Variants in PCDHGA1 observed in about 807,000 individuals in gnomAD.
The protein encoded by PCDHGA1 is protocadherin gamma subfamily A, 1.
Under a neutral mutation model 58.0 loss-of-function variants are expected in PCDHGA1, and 32 were observed. The observed-to-expected ratio is 0.55, with a 90% CI of 0.42 to 0.74. The LOEUF (loss-of-function observed/expected upper bound fraction) is 0.74, where lower values mean the gene tolerates loss of function less well. Ranked by LOEUF, PCDHGA1 falls within the 30% of genes least tolerant of loss-of-function variation. The pLI, the probability that PCDHGA1 is intolerant of heterozygous loss-of-function variation, is 0.00. For missense variants in PCDHGA1, 1,205 were observed against 1,182.3 expected, an observed-to-expected ratio of 1.02 and a Z score of -0.28; for synonymous variants, 498 against 501.1, an observed-to-expected ratio of 0.99 and a Z score of 0.08.
chr5:141,413,129 A>T (rs761379605), intron 1 of PCDHGA1: 41 of 1,536,352 alleles, frequency 2.7e-5, no homozygotes, highest in Non-Finnish European at 3.6e-5. Context: ...GTTGAAACAC[A>T]CAACGTGTCC....
intron 1 of PCDHGA1, chr5:141,374,302 GC>G: frequency 6.2e-7 from 1 of 1,613,984 alleles, no homozygotes; most frequent in Non-Finnish European, 8.5e-7. Flanking sequence ...GTAGGATGCA[GC>G]TTTTCTCTCT....
chr5:141,442,006 G>A (rs540427406), intron 1 of PCDHGA1: 77 of 229,074 alleles, frequency 3.4e-4, no homozygotes, highest in African/African-American at 1.6e-3. Context: ...CTGACAGCTC[G>A]CACGATGGGC....
chr5:141,340,599 G>A lies in PCDHGA1; in HGVS notation c.2421+7494G>A. On this transcript the variant is annotated intron_variant, in intron 1 of 3. Transcript: ENST00000517417. ...CGGGACAGCGGGAACCCTCCACTCA[G>A]TAGCAATGTATCATTAAGCCTGTTC... The A allele has an allele frequency of 1.2e-6, 2 of 1,614,212 alleles. No homozygotes were observed. Among genetic ancestry groups the A allele is most frequent in the Middle Eastern group, 1.6e-4 (1 of 6,062 alleles).
chr5:141,426,307 A>G (rs958090236), intron 1 of PCDHGA1: 2 of 172,782 alleles, frequency 1.2e-5, no homozygotes, highest in African/African-American at 4.7e-5. Context: ...GGTGAAGCAG[A>G]GAAGCAGGAC....
At chr5:141,455,583 A>G (rs1485134189) in intron 1 of PCDHGA1, among the ~76,000 whole-genome samples, 4 of 152,144 alleles carry the variant, frequency 2.6e-5, no homozygotes, top group Non-Finnish European at 2.9e-5. Context: ...CCAGCCTTTT[A>G]ATATGCAAAC....
intron 1 of PCDHGA1, among the ~76,000 whole-genome samples, chr5:141,470,572 A>G (rs1349952470): frequency 6.6e-6 from 1 of 152,208 alleles, no homozygotes; most frequent in Non-Finnish European, 1.5e-5. Flanking sequence ...GCCAAGCAGG[A>G]TCAACTTCAT....
At chr5:141,409,212 T>C (rs751644523) in intron 1 of PCDHGA1, 1 of 1,613,924 alleles carries the variant, frequency 6.2e-7, no homozygotes, top group Non-Finnish European at 8.5e-7. Context: ...ATCATAGAAA[T>C]CCTTGATGAA....
Position 141,364,369 on chromosome 5 carries a change from G to A in PCDHGA1, c.2421+31264G>A, listed in dbSNP as rs561217831. The A allele has an allele frequency of 3.3e-5, 52 of 1,567,648 alleles. 1 individual carries two copies. Among genetic ancestry groups the A allele is most frequent in the Non-Finnish European group, 3.6e-5 (42 of 1,158,852 alleles). Reference sequence around the variant, plus strand: ...CTAGGGGCTGGGGCTGCGGAGAGCTGCTGCTGCCCTTCATGCTCCTGGGGA... The same window carrying A: ...CTAGGGGCTGGGGCTGCGGAGAGCTACTGCTGCCCTTCATGCTCCTGGGGA... On this transcript the variant is annotated intron_variant, in intron 1 of 3. Coordinates refer to ENST00000517417, the MANE Select transcript of PCDHGA1 (RefSeq NM_018912.3).
At chr5:141,350,989 A>G (rs1469049462) in intron 1 of PCDHGA1, 7 of 1,614,080 alleles carry the variant, frequency 4.3e-6, no homozygotes, top group Admixed American at 1.7e-5. Context: ...GCCAGGAGGT[A>G]TACAGGGTTA....
At chr5:141,362,450 C>A (rs766571642) in intron 1 of PCDHGA1, 1 of 1,614,050 alleles carries the variant, frequency 6.2e-7, no homozygotes, top group Non-Finnish European at 8.5e-7. Flanking sequence ...AACATAACCC[C>A]GGAATTGGTT....
intron 1 of PCDHGA1, chr5:141,441,780 C>A: frequency 2.6e-6 from 1 of 391,236 alleles, no homozygotes. Flanking sequence ...GGTGGACGAC[C>A]TGAATGACAA....
chr5:141,491,641 C>T lies in PCDHGA1; in HGVS notation c.2422-3166C>T. Reference sequence around the variant, plus strand: ...CCTCAGCGTTCAGCAGCCCACAGCTCTGGCGCTGGAGCCTGACGCCATCCG... The same window carrying T: ...CCTCAGCGTTCAGCAGCCCACAGCTTTGGCGCTGGAGCCTGACGCCATCCG... On this transcript the variant is annotated intron_variant, in intron 1 of 3. Coordinates refer to ENST00000517417, the MANE Select transcript of PCDHGA1 (RefSeq NM_018912.3). The surrounding 1 kb of genome is among the most constrained non-coding windows in gnomAD (Gnocchi z 6.9). The T allele has an allele frequency of 6.2e-7, 1 of 1,613,896 alleles. No homozygotes were observed. Among genetic ancestry groups the T allele is most frequent in the Non-Finnish European group, 8.5e-7 (1 of 1,180,018 alleles).
chr5:141,420,044 T>C lies in PCDHGA1; in HGVS notation c.2422-74763T>C, dbSNP rs769790599. 1.7e-5 allele frequency: 27 copies of C among 1,613,934 alleles called. No individual in the cohort carries two copies. In the East Asian group the frequency reaches 6.0e-4, roughly 36 times the overall value. On this transcript the variant is annotated intron_variant, in intron 1 of 3. Coordinates refer to ENST00000517417, the MANE Select transcript of PCDHGA1 (RefSeq NM_018912.3). ...CCCTACTGCAGGAGACTGCTTTGAG[T>C]CAGTTCTCTGCTCCAAGTCCGGACC...
Position 141,375,095 on chromosome 5 carries a change from T to C in PCDHGA1, c.2421+41990T>C, listed in dbSNP as rs370381070. 3.0e-4 allele frequency: 491 copies of C among 1,613,960 alleles called. 2 individuals are homozygous for C. In the African/African-American group the frequency reaches 5.9e-3, roughly 19 times the overall value. ...CAGAGCGAAAGTCTTAATAACTATCTTGGATGTCAATGATAATGTACCAGA... is the reference window on the plus strand; with the variant it reads ...CAGAGCGAAAGTCTTAATAACTATCCTGGATGTCAATGATAATGTACCAGA... On this transcript the variant is annotated intron_variant, in intron 1 of 3. Coordinates refer to ENST00000517417, the MANE Select transcript of PCDHGA1 (RefSeq NM_018912.3).
chr5:141,496,077 C>G (rs1269618753), intron 2 of PCDHGA1, among the ~76,000 whole-genome samples: 1 of 152,042 alleles, frequency 6.6e-6, no homozygotes, highest in African/African-American at 2.4e-5. Flanking sequence ...CACACACAAC[C>G]CCCCACCCAC....
At chr5:141,351,627 A>T (rs931649944) in intron 1 of PCDHGA1, 1 of 1,614,056 alleles carries the variant, frequency 6.2e-7, no homozygotes, top group Non-Finnish European at 8.5e-7. Context: ...TATGTGGTCC[A>T]CGTGTCTGAG....
At chr5:141,424,094 A>G (rs1036391991) in intron 1 of PCDHGA1, 11 of 864,422 alleles carry the variant, frequency 1.3e-5, no homozygotes, top group Non-Finnish European at 1.4e-5. Context: ...ATTATTTGCT[A>G]TTACTGCTAA....
intron 1 of PCDHGA1, among the ~76,000 whole-genome samples, chr5:141,338,090 C>T (rs929164742): frequency 2.6e-5 from 4 of 152,192 alleles, no homozygotes; most frequent in African/African-American, 9.6e-5. Context: ...GACCCCAAAT[C>T]TAGACTGGAT....
intron 3 of PCDHGA1, among the ~76,000 whole-genome samples, chr5:141,506,011 C>T (rs1209221520): frequency 6.6e-6 from 1 of 152,204 alleles, no homozygotes; most frequent in Non-Finnish European, 1.5e-5. Flanking sequence ...TCCTCTTTTG[C>T]TGCCCCTAAC....
Sources: allele counts gnomAD v4.1 joint callset (sites outside exome capture counted in the v4.1 genomes callset), GRCh38; gene constraint gnomAD v4.1.1; non-coding constraint Gnocchi (gnomAD v3.1); transcripts MANE v1.5; gene names NCBI Gene and HGNC (gene_info 2026-07-23, HGNC 2026-07-21).